The following SLC26A4 variants were observed in gnomAD, a reference collection of about 807,000 sequenced individuals.
SLC26A4 encodes the protein solute carrier family 26 member 4.
Under a neutral mutation model 90.4 loss-of-function variants are expected in SLC26A4, and 93 were observed. That is an observed-to-expected ratio of 1.03 (90% CI 0.87 to 1.22). SLC26A4 has a LOEUF of 1.22. Among genes scored for constraint, SLC26A4 ranks in the 50% most tolerant of loss-of-function variants. The probability of loss-of-function intolerance (pLI) is 0.00; values close to 1 mark genes in which losing one functional copy is unlikely to be tolerated. For synonymous variants in SLC26A4, 393 were observed against 354.6 expected (o/e 1.11, Z -1.22); for missense variants, 1,127 against 946.2 (o/e 1.19, Z -2.51).
In SLC26A4 at chr7:107,704,312, T is replaced by C. The variant is rs1791979198; in HGVS notation, c.2035-19T>C. The C allele has an allele frequency of 3.5e-6, 4 of 1,150,124 alleles. No individual in the cohort carries two copies. Among genetic ancestry groups the C allele is most frequent in the Non-Finnish European group, 5.2e-6 (4 of 764,020 alleles). 71.2% of individuals were successfully genotyped at this position (1,150,124 alleles called of 1,614,324 possible). ...GATAAGGTTGTTAATTGTTACAAAC[T>C]CTCCTTTTTTATTTTTAGATTGTCA... On this transcript the variant is annotated intron_variant, in intron 17 of 20. Transcript: ENST00000644269.
chr7:107,687,637 G>T (rs1791454823), intron 8 of SLC26A4, among the ~76,000 whole-genome samples: 1 of 152,168 alleles, frequency 6.6e-6, no homozygotes, highest in Admixed American at 6.5e-5. Context: ...TTTACACTTT[G>T]CACACCTGGA....
At chr7:107,697,394 G>C (rs1339576005) in intron 13 of SLC26A4, among the ~76,000 whole-genome samples, 2 of 152,160 alleles carry the variant, frequency 1.3e-5, no homozygotes, top group African/African-American at 4.8e-5. Flanking sequence ...CTGATCCAGA[G>C]AGCACAATGC....
chr7:107,682,104 T>TC (rs1491426630), intron 6 of SLC26A4, among the ~76,000 whole-genome samples: 1 of 33,172 alleles, frequency 3.0e-5, no homozygotes, highest in African/African-American at 9.3e-5. Context: ...GCAAGAGAGC[T>TC]AAAAAAAAAA....
intron 4 of SLC26A4, among the ~76,000 whole-genome samples, chr7:107,672,676 C>T (rs1584304953): frequency 6.6e-6 from 1 of 152,048 alleles, no homozygotes; most frequent in African/African-American, 2.4e-5. Flanking sequence ...TAAGTATGTT[C>T]ATCAAATACA....
Position 107,701,930 on chromosome 7 carries a change from T to G in SLC26A4, c.1907T>G (p.Ile636Ser). 1 of 1,613,120 alleles carries G rather than the reference T, an allele frequency of 6.2e-7. No individual in the cohort carries two copies. The highest frequency in any genetic ancestry group is 1.1e-5 in the South Asian group (1 of 91,068). Residue 636 changes from isoleucine (I) to serine (S), a missense_variant, in exon 17 of 21, where the codon ATT (isoleucine) becomes AGT (serine). Ile to Ser is a moderately radical substitution (Grantham distance 142). Transcript: ENST00000644269. ...GATATCCCAACCAAGGAAATAGAGA[T>G]TCAAGTGGATTGGAACTCTGAGCTT... ...ELDIPTKEIEIQVDWNSELPV... is the reference protein window; with the variant it reads ...ELDIPTKEIESQVDWNSELPV...
intron 18 of SLC26A4, among the ~76,000 whole-genome samples, chr7:107,706,389 A>G (rs1047593594): frequency 1.3e-5 from 2 of 152,210 alleles, no homozygotes; most frequent in African/African-American, 4.8e-5. Context: ...TCAAGGCTGC[A>G]GTGCACTATG....
chr7:107,681,486 A>G (rs1222962702), intron 6 of SLC26A4, among the ~76,000 whole-genome samples: 1 of 152,192 alleles, frequency 6.6e-6, no homozygotes, highest in Non-Finnish European at 1.5e-5. Flanking sequence ...AATAAGTAAA[A>G]TACATTTTAT....
At chr7:107,710,981 G>GAATAAGTAGA (rs1792169786) in intron 19 of SLC26A4, among the ~76,000 whole-genome samples, 1 of 152,136 alleles carries the variant, frequency 6.6e-6, no homozygotes, top group Non-Finnish European at 1.5e-5. Context: ...TCTAAAAGTA[G>GAATAAGTAGA]AATAAGTAGA....
Position 107,674,235 on chromosome 7 carries a change from G to A in SLC26A4, c.487G>A (p.Val163Ile), listed in dbSNP as rs200229408. The A allele has an allele frequency of 4.3e-6, 7 of 1,613,884 alleles. No individual in the cohort carries two copies. Among genetic ancestry groups the A allele is most frequent in the Admixed American group, 1.7e-5 (1 of 59,984 alleles). Residue 163 changes from valine to isoleucine, a missense_variant, in exon 5 of 21, where the codon GTA becomes ATA. Coordinates refer to ENST00000644269, the MANE Select transcript of SLC26A4 (RefSeq NM_000441.2). ...CATGGCCCCCGACGAACACTTTCTCGTATCCAGCAGCAATGGAACTGTATT... is the reference window on the plus strand; with the variant it reads ...CATGGCCCCCGACGAACACTTTCTCATATCCAGCAGCAATGGAACTGTATT... ...LSMAPDEHFL[V>I]SSSNGTVLNT...
At chr7:107,701,763 G>T (rs1204650136) in intron 16 of SLC26A4, 64 bp from the exon 17 acceptor site, 44 of 1,072,460 alleles carry the variant, frequency 4.1e-5, no homozygotes, top group Non-Finnish European at 6.1e-5. Flanking sequence ...TGGATAATTT[G>T]ATATGAATGG....
rs371756312 is a variant in SLC26A4 at position 107,690,204 on chromosome 7, G to C, written c.1230G>C (p.Thr410=). 6.2e-7 allele frequency: 1 copy of C among 1,611,740 alleles called. No homozygotes were observed. The highest frequency in any genetic ancestry group is 8.5e-7 in the Non-Finnish European group (1 of 1,177,996). The change falls in exon 10 of 21, where the codon ACG becomes ACC. Residue 410 remains threonine (T), a synonymous_variant. Transcript: ENST00000644269. ...TGGCCACCACTGCTCTTTCCCGCACGGCCGTCCAGGAGAGCACTGGAGGAA... is the reference window on the plus strand; with the variant it reads ...TGGCCACCACTGCTCTTTCCCGCACCGCCGTCCAGGAGAGCACTGGAGGAA... ...CFVATTALSR[T]AVQESTGGKT...
At chr7:107,675,723 G>A (rs1043221773) in intron 6 of SLC26A4, among the ~76,000 whole-genome samples, 2 of 151,812 alleles carry the variant, frequency 1.3e-5, no homozygotes, top group South Asian at 2.1e-4. Flanking sequence ...ACAGGCGCCC[G>A]CCACCACACC....
chr7:107,701,751 T>C, intron 16 of SLC26A4, 76 bp from the exon 17 acceptor site: 1 of 996,156 alleles, frequency 1.0e-6, no homozygotes, highest in East Asian at 2.4e-5. Context: ...GTGTAGGTCT[T>C]TTGGATAATT....
Position 107,661,811 on chromosome 7 carries a change from G to T in SLC26A4, c.164+6G>T, listed in dbSNP as rs778521684. 2.0e-6 allele frequency: 3 copies of T among 1,534,690 alleles called. No individual in the cohort carries two copies. The highest frequency in any genetic ancestry group is 1.7e-6 in the Non-Finnish European group (2 of 1,145,906). ...AGCCTGGCCAAGTGCTGCAGGTAGC[G>T]GCCGCGCGGGCCTGCGTAGAGAGAA... On this transcript the variant is annotated splice_donor_region_variant and intron_variant, in intron 2 of 20. Coordinates refer to ENST00000644269, the MANE Select transcript of SLC26A4 (RefSeq NM_000441.2). The surrounding 1 kb of genome is among the most constrained non-coding windows in gnomAD (Gnocchi z 5.1).
At chr7:107,688,630 A>T (rs1330260531) in intron 8 of SLC26A4, among the ~76,000 whole-genome samples, 1 of 152,234 alleles carries the variant, frequency 6.6e-6, no homozygotes, top group East Asian at 1.9e-4. Flanking sequence ...TCTCTTTAAC[A>T]GAGCTGATAC....
At chr7:107,670,438 C>A (rs1402169343) in intron 3 of SLC26A4, among the ~76,000 whole-genome samples, 1 of 152,090 alleles carries the variant, frequency 6.6e-6, no homozygotes, top group South Asian at 2.1e-4. Context: ...TACACTCCCA[C>A]AGGCTGGAGT....
At chr7:107,670,329 G>C (rs955305904) in intron 3 of SLC26A4, among the ~76,000 whole-genome samples, 2 of 151,854 alleles carry the variant, frequency 1.3e-5, no homozygotes, top group Non-Finnish European at 2.9e-5. Flanking sequence ...GGGTGGTCTT[G>C]AGCTCCTGAC....
chr7:107,712,744 A>G lies in SLC26A4; in HGVS notation c.2319+122A>G, dbSNP rs1792225966. Reference sequence around the variant, plus strand: ...AACATAATTCCCCCAAATGCAGAAAAGATGGCTTCATAGCAGGGAAAAAGA... The same window carrying G: ...AACATAATTCCCCCAAATGCAGAAAGGATGGCTTCATAGCAGGGAAAAAGA... On this transcript the variant is annotated intron_variant, in intron 20 of 20. Transcript: ENST00000644269. 4 of 704,744 alleles carry G rather than the reference A, an allele frequency of 5.7e-6. No individual in the cohort carries two copies. The East Asian group carries it at 1.1e-4, about 19-fold the overall frequency. 43.7% of individuals were successfully genotyped at this position (704,744 alleles called of 1,614,324 possible).
At chr7:107,680,060 ATCT>A (rs1201950360) in intron 6 of SLC26A4, among the ~76,000 whole-genome samples, 11 of 129,630 alleles carry the variant, frequency 8.5e-5, no homozygotes, top group African/African-American at 3.4e-4. Context: ...ATATAATATA[ATCT>A]TATTATATAA....
Sources: gnomAD v4.1 joint callset for allele counts (sites outside exome capture counted in the v4.1 genomes callset) on GRCh38, gnomAD v4.1.1 for gene constraint, Gnocchi (gnomAD v3.1) non-coding constraint, MANE v1.5 for transcripts, NCBI Gene and HGNC (gene_info 2026-07-23, HGNC 2026-07-21) for gene names.